The following NRP1 variants were observed in gnomAD, a reference collection of about 807,000 sequenced individuals.
The protein encoded by NRP1 is neuropilin 1.
A neutral mutation model predicts 106.7 loss-of-function variants in NRP1; 35 were observed. The ratio of observed to expected loss-of-function variants is 0.33; its 90% CI spans 0.25 to 0.43. The LOEUF is 0.43. Among genes scored for constraint, NRP1 ranks in the 20% least tolerant of loss-of-function variants. NRP1 has a pLI of 1.00. For missense variants in NRP1, 1,024 were observed against 1,170.4 expected (o/e 0.87, Z 1.83); for synonymous variants, 437 against 417.9 (o/e 1.05, Z -0.56).
At chr10:33,302,356 A>ACGC (rs1845861864) in intron 2 of NRP1, among the ~76,000 whole-genome samples, 1 of 152,200 alleles carries the variant, frequency 6.6e-6, no homozygotes, top group African/African-American at 2.4e-5. Context: ...CCCTTTGCGT[A>ACGC]AAAGCTAAGG....
intron 2 of NRP1, among the ~76,000 whole-genome samples, chr10:33,279,417 C>T (rs1843948041): frequency 2.0e-5 from 3 of 152,168 alleles, no homozygotes; most frequent in Admixed American, 2.0e-4. Context: ...TTTCTGGCTG[C>T]CAGCTGGGGG....
chr10:33,291,814 T>C (rs1845013765), intron 2 of NRP1, among the ~76,000 whole-genome samples: 1 of 152,202 alleles, frequency 6.6e-6, no homozygotes, highest in Admixed American at 6.6e-5. Flanking sequence ...TCTGTTTCAA[T>C]ATATCCTTAT....
intron 2 of NRP1, among the ~76,000 whole-genome samples, chr10:33,290,403 C>T (rs148984379): frequency 8.0e-5 from 12 of 149,750 alleles, no homozygotes; most frequent in African/African-American, 2.5e-4. Flanking sequence ...AGGGGATGAC[C>T]GACCCTGGTT....
At chr10:33,316,283 A>G (rs1041922101) in intron 2 of NRP1, among the ~76,000 whole-genome samples, 25 of 152,198 alleles carry the variant, frequency 1.6e-4, no homozygotes, top group Non-Finnish European at 3.5e-4. Context: ...CTTTAAACTG[A>G]CTAGATTTGG....
chr10:33,221,209 T>C (rs1839216910), intron 8 of NRP1, among the ~76,000 whole-genome samples: 1 of 152,134 alleles, frequency 6.6e-6, no homozygotes, highest in Non-Finnish European at 1.5e-5. Context: ...AGACCCTGTC[T>C]CAAAATAAAG....
At chr10:33,231,543 C>T (rs1335357723) in intron 6 of NRP1, among the ~76,000 whole-genome samples, 2 of 152,128 alleles carry the variant, frequency 1.3e-5, no homozygotes, top group Admixed American at 1.3e-4. Flanking sequence ...ATTTTTTCTA[C>T]ATCATAATTT....
chr10:33,220,142 C>A (rs1839112157), intron 8 of NRP1, among the ~76,000 whole-genome samples: 1 of 152,100 alleles, frequency 6.6e-6, no homozygotes, highest in South Asian at 2.1e-4. Flanking sequence ...ATTAAAAAAT[C>A]AGATGTTGGT....
chr10:33,325,021 C>T (rs1847789432), intron 2 of NRP1, among the ~76,000 whole-genome samples: 1 of 152,036 alleles, frequency 6.6e-6, no homozygotes, highest in Admixed American at 6.6e-5. Context: ...CAGCAGTTGC[C>T]CTTGAGGGCA....
chr10:33,264,258 T>C (rs751920544), intron 3 of NRP1, among the ~76,000 whole-genome samples: 3 of 152,214 alleles, frequency 2.0e-5, no homozygotes, highest in Admixed American at 6.5e-5. Flanking sequence ...CCTTTATTGG[T>C]GAAATAGAAC....
At chr10:33,312,601 A>G (rs1846684510) in intron 2 of NRP1, among the ~76,000 whole-genome samples, 2 of 152,260 alleles carry the variant, frequency 1.3e-5, no homozygotes, top group Non-Finnish European at 2.9e-5. Flanking sequence ...CTCTGCAGGC[A>G]ACAACAAAGT....
intron 12 of NRP1, 75 bp from the exon 13 acceptor site, chr10:33,192,493 C>T: frequency 1.3e-6 from 2 of 1,502,800 alleles, no homozygotes; most frequent in East Asian, 4.6e-5. Context: ...CACAAAGGCC[C>T]TTGGTTCACT....
intron 13 of NRP1, among the ~76,000 whole-genome samples, chr10:33,188,455 G>C (rs867917961): frequency 2.6e-5 from 4 of 152,112 alleles, no homozygotes; most frequent in Middle Eastern, 3.2e-3. Flanking sequence ...GCCCAACACA[G>C]CACCTGCCAT....
intron 4 of NRP1, among the ~76,000 whole-genome samples, chr10:33,256,838 G>A (rs141495856): frequency 5.9e-5 from 9 of 152,296 alleles, no homozygotes; most frequent in African/African-American, 2.2e-4. Flanking sequence ...AAAGATTCCT[G>A]CTAAGCTGTG....
chr10:33,304,352 C>G (rs531854609), intron 2 of NRP1, among the ~76,000 whole-genome samples: 1 of 152,088 alleles, frequency 6.6e-6, no homozygotes, highest in Non-Finnish European at 1.5e-5. Context: ...GGAGGAAAAC[C>G]AATACTACCA....
intron 2 of NRP1, among the ~76,000 whole-genome samples, chr10:33,302,226 C>T (rs1449491260): frequency 2.0e-5 from 3 of 152,220 alleles, no homozygotes; most frequent in East Asian, 1.9e-4. Context: ...ATCCCCTACC[C>T]CACCCAACAC....
At chr10:33,314,159 C>T (rs1399795916) in intron 2 of NRP1, among the ~76,000 whole-genome samples, 1 of 149,332 alleles carries the variant, frequency 6.7e-6, no homozygotes, top group Non-Finnish European at 1.5e-5. Flanking sequence ...GATCATGGCT[C>T]ACTGCAGCCT....
chr10:33,214,768 C>T (rs892963622), intron 8 of NRP1, among the ~76,000 whole-genome samples: 1 of 152,050 alleles, frequency 6.6e-6, no homozygotes, highest in Non-Finnish European at 1.5e-5. Context: ...CAGTCAGATT[C>T]GTAGAGACAG....
intron 10 of NRP1, among the ~76,000 whole-genome samples, chr10:33,204,483 T>C (rs117017743): frequency 3.2e-4 from 48 of 152,346 alleles, no homozygotes; most frequent in Non-Finnish European, 5.6e-4. Context: ...GCAAGCCAGA[T>C]AGTTGTCTTT....
chr10:33,251,967 G>A (rs1841894334), intron 6 of NRP1, among the ~76,000 whole-genome samples: 1 of 152,102 alleles, frequency 6.6e-6, no homozygotes, highest in Non-Finnish European at 1.5e-5. Flanking sequence ...CCAAAGTGAA[G>A]ACAGGTACTC....
Sources: gnomAD v4.1 joint callset for allele counts (sites outside exome capture counted in the v4.1 genomes callset) on GRCh38, gnomAD v4.1.1 for gene constraint, MANE v1.5 for transcripts, NCBI Gene and HGNC (gene_info 2026-07-23, HGNC 2026-07-21) for gene names.